OR10A2: variants seen among roughly 807,000 people sequenced by gnomAD.
OR10A2 encodes olfactory receptor family 10 subfamily A member 2, also known as olfactory receptor 10A2.
A neutral mutation model predicts 13.7 loss-of-function variants in OR10A2; 15 were observed. The ratio of observed to expected loss-of-function variants is 1.10; its 90% CI spans 0.73 to 1.69. The LOEUF (loss-of-function observed/expected upper bound fraction) is 1.69. OR10A2 is among the 40% of genes most tolerant of loss of function. The pLI, the probability that OR10A2 is intolerant of heterozygous loss-of-function variation, is 0.00. For missense variants in OR10A2, 343 were observed against 361.1 expected (o/e 0.95, Z 0.41); for synonymous variants, 145 against 144.7 (o/e 1.00, Z -0.02).
intron 1 of OR10A2, among the ~76,000 whole-genome samples, chr11:6,864,629 T>C (rs190362674): frequency 6.6e-6 from 1 of 152,150 alleles, no homozygotes; most frequent in South Asian, 2.1e-4. Context: ...GAGCTGAGTT[T>C]TGAGGATTTG....
chr11:6,863,698 C>T (rs1848359545), intron 1 of OR10A2, among the ~76,000 whole-genome samples: 1 of 152,048 alleles, frequency 6.6e-6, no homozygotes, highest in South Asian at 2.1e-4. Context: ...CTAAGTAACA[C>T]AAAAAAGACT....
rs771482061 is a variant in OR10A2 at position 6,870,422 on chromosome 11, A to G, written c.668A>G (p.Lys223Arg). Residue 223 changes from lysine to arginine, a missense_variant, in exon 2 of 2, where the codon AAA becomes AGA. Lys to Arg is a conservative substitution (Grantham distance 26). Transcript: ENST00000641461. Reference sequence around the variant, plus strand: ...ATCCCATCAGCTAAAGGGAAGAATAAAGCCTTTTCTACATGTTCCTCACAC... The same window carrying G: ...ATCCCATCAGCTAAAGGGAAGAATAGAGCCTTTTCTACATGTTCCTCACAC... ...LKIPSAKGKN[K>R]AFSTCSSHLL... 3.7e-6 allele frequency: 6 copies of G among 1,614,178 alleles called. No individual in the cohort carries two copies. The South Asian group carries it at 5.5e-5, about 15-fold the overall frequency.
At chr11:6,864,147 C>G (rs1034993672) in intron 1 of OR10A2, among the ~76,000 whole-genome samples, 2 of 152,206 alleles carry the variant, frequency 1.3e-5, no homozygotes, top group African/African-American at 2.4e-5. Context: ...GCCTCTCCCA[C>G]ACTGGAGACG....
chr11:6,865,015 AAATATATATT>A (rs200071185), intron 1 of OR10A2, among the ~76,000 whole-genome samples: 46,965 of 144,942 alleles, frequency 0.32, 8,110 homozygotes, highest in South Asian at 0.41. Context: ...AATATATATT[AAATATATATT>A]TATATATAAA....
chr11:6,864,068 G>T (rs2133066976), intron 1 of OR10A2, among the ~76,000 whole-genome samples: 1 of 152,290 alleles, frequency 6.6e-6, no homozygotes, highest in African/African-American at 2.4e-5. Flanking sequence ...CCAAAAGATT[G>T]GACACCCCTG....
In OR10A2 at chr11:6,871,794, T is replaced by A. The variant is rs1193662649; in HGVS notation, c.*1128T>A. Reference sequence around the variant, plus strand: ...GATGTGCCCTAATTTATTTAGCCAGTCTTTTACTACTACAAATCATGCTGT... The same window carrying A: ...GATGTGCCCTAATTTATTTAGCCAGACTTTTACTACTACAAATCATGCTGT... On this transcript the variant is annotated 3_prime_UTR_variant, in exon 2 of 2. Transcript: ENST00000641461. 6.6e-6 allele frequency: 1 copy of A among 152,224 alleles called. No homozygotes were observed. Among genetic ancestry groups the A allele is most frequent in the African/African-American group, 2.4e-5 (1 of 41,452 alleles). 9.4% of individuals were successfully genotyped at this position (152,224 alleles called of 1,614,324 possible).
At chr11:6,866,486 T>C (rs1173176314) in intron 1 of OR10A2, among the ~76,000 whole-genome samples, 2 of 152,192 alleles carry the variant, frequency 1.3e-5, no homozygotes, top group Non-Finnish European at 2.9e-5. Context: ...GCCAAAAGAT[T>C]GAACATCTCT....
rs1283409490 is a variant in OR10A2, at chr11:6,874,629, C to CT, written c.*3965dup. 1 of 152,204 alleles carries CT rather than the reference C, an allele frequency of 6.6e-6. No homozygotes were observed. The highest frequency in any genetic ancestry group is 2.4e-5 in the African/African-American group (1 of 41,458). 9.4% of individuals were successfully genotyped at this position (152,204 alleles called of 1,614,324 possible). On this transcript the variant is annotated 3_prime_UTR_variant, in exon 2 of 2. Coordinates refer to ENST00000641461, the MANE Select transcript of OR10A2 (RefSeq NM_001004460.2). ...AACACTTGCTGAAAAAACTACTCAA[C>CT]TTATCTGTGTCTCAGATTCCTTGAC...
chr11:6,870,576 C>A lies in OR10A2; in HGVS notation c.822C>A (p.Pro274=), dbSNP rs780916636. The A allele has an allele frequency of 1.2e-6, 2 of 1,614,080 alleles. No homozygotes were observed. Among genetic ancestry groups the A allele is most frequent in the Middle Eastern group, 1.6e-4 (1 of 6,062 alleles). The change falls in exon 2 of 2, where the codon CCC becomes CCA. Residue 274 remains proline (P), a synonymous_variant. Coordinates refer to ENST00000641461, the MANE Select transcript of OR10A2 (RefSeq NM_001004460.2). ...SYTVMTPMLN[P]IIYSLRNNEV... ...CTGTTATGACTCCCATGTTGAACCC[C>A]ATTATCTACAGCCTGAGAAATAACG...
intron 1 of OR10A2, among the ~76,000 whole-genome samples, chr11:6,864,975 T>C (rs1400677112): frequency 6.8e-6 from 1 of 146,510 alleles, no homozygotes; most frequent in Admixed American, 6.9e-5. Context: ...TAAATATATA[T>C]ATTGTAAGAT....
chr11:6,864,186 T>C (rs1173709533), intron 1 of OR10A2, among the ~76,000 whole-genome samples: 3 of 152,144 alleles, frequency 2.0e-5, no homozygotes, highest in Non-Finnish European at 2.9e-5. Context: ...CCCAGTAGTT[T>C]TCAGAAGTTC....
At chr11:6,863,410 G>A (rs1848356478) in intron 1 of OR10A2, 59 bp downstream of exon 1, 1 of 133,364 alleles carries the variant, frequency 7.5e-6, no homozygotes, top group South Asian at 2.4e-4. Context: ...TCTACCAGAG[G>A]CCACTCTCCA....
In OR10A2 at chr11:6,873,822, T is replaced by C. The variant is rs1848459740; in HGVS notation, c.*3156T>C. The C allele has an allele frequency of 6.6e-6, 1 of 150,482 alleles. No individual in the cohort carries two copies. The highest frequency in any genetic ancestry group is 2.4e-5 in the African/African-American group (1 of 41,026). The allele number at this position is 150,482 out of a possible 1,614,324, so 9.3% of individuals were successfully genotyped here. Reference sequence around the variant, plus strand: ...AGACAGATCACATACAAACCAAGGATGGTTTGAAGAGAATGAACCAGAAGC... The same window carrying C: ...AGACAGATCACATACAAACCAAGGACGGTTTGAAGAGAATGAACCAGAAGC... On this transcript the variant is annotated 3_prime_UTR_variant, in exon 2 of 2. Coordinates refer to ENST00000641461, the MANE Select transcript of OR10A2 (RefSeq NM_001004460.2).
chr11:6,868,391 T>A (rs985477394), intron 1 of OR10A2, among the ~76,000 whole-genome samples: 3 of 152,250 alleles, frequency 2.0e-5, no homozygotes, highest in African/African-American at 7.2e-5. Flanking sequence ...ATATACCACC[T>A]AGTCTTCTTG....
intron 1 of OR10A2, among the ~76,000 whole-genome samples, chr11:6,867,880 G>C (rs569836611): frequency 3.7e-4 from 56 of 152,164 alleles, no homozygotes; most frequent in African/African-American, 1.3e-3. Context: ...CTCCTGAGTA[G>C]CTAGGACAAC....
intron 1 of OR10A2, among the ~76,000 whole-genome samples, chr11:6,865,998 G>A (rs1266362512): frequency 6.6e-6 from 1 of 152,124 alleles, no homozygotes; most frequent in Non-Finnish European, 1.5e-5. Context: ...GAAATGTTAT[G>A]TAAGTGGAAT....
At chr11:6,868,889 TA>T (rs111915784) in intron 1 of OR10A2, among the ~76,000 whole-genome samples, 191 of 152,322 alleles carry the variant, frequency 1.3e-3, no homozygotes, top group African/African-American at 4.4e-3. Context: ...GGAAATCTCC[TA>T]AACATCTTAA....
Position 6,870,964 on chromosome 11 carries a change from T to TTTTTTTAG in OR10A2, c.*298_*299insTTTTTTAG, listed in dbSNP as rs1848428696. 1 of 192,952 alleles carries TTTTTTTAG rather than the reference T, an allele frequency of 5.2e-6. No individual in the cohort carries two copies. Among genetic ancestry groups the TTTTTTTAG allele is most frequent in the African/African-American group, 2.4e-5 (1 of 42,358 alleles). 12.0% of individuals were successfully genotyped at this position (192,952 alleles called of 1,614,324 possible). On this transcript the variant is annotated 3_prime_UTR_variant, in exon 2 of 2. Transcript: ENST00000641461. ...TTATATTTCTTTTTTTTTTTTTTTTTGAGACGGAGTCTCGCTCTGTCCCCC... is the reference window on the plus strand; with the variant it reads ...TTATATTTCTTTTTTTTTTTTTTTTTTTTTTTAGGAGACGGAGTCTCGCTCTGTCCCCC...
Position 6,870,454 on chromosome 11 carries a change from G to T in OR10A2, c.700G>T (p.Val234Phe). 1 of 1,614,130 alleles carries T rather than the reference G, an allele frequency of 6.2e-7. No individual in the cohort carries two copies. The highest frequency in any genetic ancestry group is 8.5e-7 in the Non-Finnish European group (1 of 1,180,016). Residue 234 changes from valine to phenylalanine, a missense_variant, in exon 2 of 2, where the codon GTT (valine) becomes TTT (phenylalanine). By Grantham distance (50) the Val-to-Phe change is conservative. Coordinates refer to ENST00000641461, the MANE Select transcript of OR10A2 (RefSeq NM_001004460.2). The stretch of plus-strand genomic sequence containing the variant: ...TTCTACATGTTCCTCACACCTCCTT[G>T]TTGTCTCTCTTTTCTATATATCATT... Reference protein sequence around the residue: ...AFSTCSSHLLVVSLFYISLSL... With the variant: ...AFSTCSSHLLFVSLFYISLSL...
Sources: gnomAD v4.1 joint callset for allele counts (sites outside exome capture counted in the v4.1 genomes callset) on GRCh38, gnomAD v4.1.1 for gene constraint, MANE v1.5 for transcripts, NCBI Gene and HGNC (gene_info 2026-07-23, HGNC 2026-07-21) for gene names.